Variants in DOP1B observed in about 807,000 individuals in gnomAD.
DOP1B encodes protein DOP1B.
Under a neutral mutation model 233.5 loss-of-function variants are expected in DOP1B, and 174 were observed. That is an observed-to-expected ratio of 0.75 (90% CI 0.66 to 0.85). The LOEUF is 0.85. DOP1B is among the 40% of genes least tolerant of loss of function. DOP1B has a pLI of 0.00. For missense variants in DOP1B, 2,652 were observed against 2,846.6 expected (o/e 0.93, Z 1.56); for synonymous variants, 1,190 against 1,185.6 (o/e 1.00, Z -0.08).
intron 4 of DOP1B, among the ~76,000 whole-genome samples, chr21:36,201,065 G>T (rs114572632): frequency 6.6e-6 from 1 of 152,154 alleles, no homozygotes; most frequent in Non-Finnish European, 1.5e-5. Flanking sequence ...ATAGTGCAGG[G>T]TTCCCATGAT....
chr21:36,233,299 T>C (rs2066789177), intron 15 of DOP1B, among the ~76,000 whole-genome samples: 1 of 152,166 alleles, frequency 6.6e-6, no homozygotes, highest in African/African-American at 2.4e-5. Flanking sequence ...ATTCTGGGCC[T>C]GCCAGGACTG....
chr21:36,229,647 CT>C (rs2066735562), intron 13 of DOP1B, among the ~76,000 whole-genome samples: 1 of 149,852 alleles, frequency 6.7e-6, no homozygotes, highest in South Asian at 2.1e-4. Context: ...ACACTATTCT[CT>C]GACTTGCTTT....
intron 2 of DOP1B, among the ~76,000 whole-genome samples, 154 bp from the exon 3 acceptor site, chr21:36,198,916 C>G (rs997134315): frequency 6.6e-6 from 1 of 152,218 alleles, no homozygotes; most frequent in Non-Finnish European, 1.5e-5. Flanking sequence ...TGTGGACTCT[C>G]GCCATGCAGT....
chr21:36,214,147 C>T lies in DOP1B; in HGVS notation c.971C>T (p.Ser324Leu), dbSNP rs750882040. ...ATCTCAAATTCTTATGAAGACCAGT[C>T]GTCTTATTTTTTTGAAAAATACTCC... Reference protein sequence around the residue: ...SEISNSYEDQSSYFFEKYSKD... With the variant: ...SEISNSYEDQLSYFFEKYSKD... Residue 324 changes from serine (S) to leucine (L), a missense_variant, in exon 8 of 37, where the codon TCG becomes TTG. Around this residue, in one of 3 missense-constraint regions of DOP1B, gnomAD observed 2,617 missense variants for 2,794.3 expected, o/e 0.94. Coordinates refer to ENST00000691173, the MANE Select transcript of DOP1B (RefSeq NM_001320714.2). 1.2e-5 allele frequency: 20 copies of T among 1,613,650 alleles called. No homozygotes were observed. The highest frequency in any genetic ancestry group is 6.7e-5 in the Admixed American group (4 of 59,928).
intron 10 of DOP1B, among the ~76,000 whole-genome samples, chr21:36,222,598 A>C (rs1018459158): frequency 6.6e-6 from 1 of 152,082 alleles, no homozygotes; most frequent in Non-Finnish European, 1.5e-5. Flanking sequence ...AAAAAAAAGA[A>C]GATAAACATT....
intron 2 of DOP1B, among the ~76,000 whole-genome samples, chr21:36,177,930 T>C (rs765363802): frequency 1.3e-5 from 2 of 152,216 alleles, no homozygotes; most frequent in Non-Finnish European, 2.9e-5. Flanking sequence ...TCTAACAGAA[T>C]TGAGTTTATA....
intron 27 of DOP1B, among the ~76,000 whole-genome samples, chr21:36,276,535 A>G (rs1172904687): frequency 6.6e-6 from 1 of 151,810 alleles, no homozygotes; most frequent in Non-Finnish European, 1.5e-5. Context: ...TGTCTCAAAA[A>G]TAAAAATAAA....
chr21:36,221,519 C>T (rs75581319), intron 10 of DOP1B, among the ~76,000 whole-genome samples: 14,942 of 151,854 alleles, frequency 0.098, 1,692 homozygotes, highest in African/African-American at 0.27. Flanking sequence ...AATAATAAAT[C>T]CTGACTGACC....
At chr21:36,169,164 T>A (rs576196702) in intron 2 of DOP1B, 1 of 1,006,292 alleles carries the variant, frequency 9.9e-7, no homozygotes, top group East Asian at 2.4e-5. Flanking sequence ...CGCTTCTTGG[T>A]TCCCACCACA....
intron 31 of DOP1B, 77 bp from the exon 32 acceptor site, chr21:36,281,406 C>T (rs1479824367): frequency 7.6e-6 from 11 of 1,444,170 alleles, no homozygotes; most frequent in African/African-American, 4.2e-5. Context: ...TATAGAATTA[C>T]ACTAGTATGA....
chr21:36,164,595 T>A (rs2065892452), intron 1 of DOP1B, 113 bp from the exon 2 acceptor site: 6 of 743,434 alleles, frequency 8.1e-6, no homozygotes, highest in Non-Finnish European at 1.2e-5. Flanking sequence ...GATTGCCCAG[T>A]GAGTTTGTGC....
intron 26 of DOP1B, among the ~76,000 whole-genome samples, chr21:36,265,098 T>C (rs1413745950): frequency 1.3e-5 from 2 of 152,170 alleles, no homozygotes; most frequent in African/African-American, 4.8e-5. Context: ...ACAAGAGTAC[T>C]GTATAAAGTG....
intron 2 of DOP1B, among the ~76,000 whole-genome samples, chr21:36,183,003 T>C (rs1380470256): frequency 6.6e-6 from 1 of 152,130 alleles, no homozygotes; most frequent in Non-Finnish European, 1.5e-5. Context: ...GGGTGGGTGG[T>C]GGTCTGTGCA....
intron 9 of DOP1B, among the ~76,000 whole-genome samples, chr21:36,217,212 G>A (rs1449749071): frequency 6.6e-6 from 1 of 152,244 alleles, no homozygotes; most frequent in Non-Finnish European, 1.5e-5. Flanking sequence ...CAGCTCTAGG[G>A]GGACAAAAGG....
chr21:36,158,789 G>A (rs182869532), intron 1 of DOP1B, among the ~76,000 whole-genome samples: 164 of 133,314 alleles, frequency 1.2e-3, no homozygotes, highest in African/African-American at 4.4e-3. Flanking sequence ...GCGACAGAGC[G>A]AGACTCTTGT....
chr21:36,230,788 G>C lies in DOP1B; in HGVS notation c.2004G>C (p.Thr668=), dbSNP rs368826782. ...CAGGGAAGAGGGACAGGGATGGGAC[G>C]CAGAGCCTGGCAGCCAATGATTCCA... ...EPAGKRDRDG[T]QSLAANDSSR... The change falls in exon 14 of 37, where the codon ACG becomes ACC. Residue 668 remains threonine (T), a synonymous_variant. Transcript: ENST00000691173. The C allele has an allele frequency of 2.5e-6, 4 of 1,614,022 alleles. No homozygotes were observed. The highest frequency in any genetic ancestry group is 3.4e-6 in the Non-Finnish European group (4 of 1,180,018).
chr21:36,213,376 G>A (rs1569025028), intron 7 of DOP1B, among the ~76,000 whole-genome samples: 1 of 152,102 alleles, frequency 6.6e-6, no homozygotes, highest in Admixed American at 6.6e-5. Context: ...CCCATACCAT[G>A]AGGATGCACT....
At chr21:36,201,759 A>G (rs1228767079) in intron 4 of DOP1B, among the ~76,000 whole-genome samples, 3 of 152,216 alleles carry the variant, frequency 2.0e-5, no homozygotes, top group African/African-American at 7.2e-5. Context: ...GTGAAGCAGA[A>G]TATCTTGACA....
At chr21:36,176,103 T>TATGTGTGTGTGTGC (rs1029236168) in intron 2 of DOP1B, among the ~76,000 whole-genome samples, 3 of 142,038 alleles carry the variant, frequency 2.1e-5, no homozygotes, top group East Asian at 4.0e-4. Context: ...TGTGCGTGTG[T>TATGTGTGTGTGTGC]GTGTGTGTGT....
Sources: gnomAD v4.1 joint callset for allele counts (sites outside exome capture counted in the v4.1 genomes callset) on GRCh38, gnomAD v4.1.1 for gene constraint, gnomAD v4.1.1 regional missense constraint, MANE v1.5 for transcripts, NCBI Gene and HGNC (gene_info 2026-07-23, HGNC 2026-07-21) for gene names.